The following MOCOS variants were observed in gnomAD, a reference collection of about 807,000 sequenced individuals.
MOCOS encodes the protein human molybdenum cofactor sulfurase.
MOCOS carries 86 observed loss-of-function variants against 83.6 expected under a neutral mutation model. The ratio of observed to expected loss-of-function variants is 1.03; its 90% CI spans 0.86 to 1.23. The LOEUF is 1.23. MOCOS is among the 50% of genes most tolerant of loss of function. The pLI is 0.00. For missense variants in MOCOS, 1,120 were observed against 1,126.9 expected, an observed-to-expected ratio of 0.99 and a Z score of 0.09; for synonymous variants, 445 against 434.7, an observed-to-expected ratio of 1.02 and a Z score of -0.29.
intron 5 of MOCOS, among the ~76,000 whole-genome samples, chr18:36,204,446 C>T (rs1336521016): frequency 6.6e-6 from 1 of 152,106 alleles, no homozygotes; most frequent in Non-Finnish European, 1.5e-5. Flanking sequence ...TAAAAACAAA[C>T]AGCAAAAATA....
At chr18:36,188,891 G>A (rs1164892135) in intron 1 of MOCOS, among the ~76,000 whole-genome samples, 1 of 145,156 alleles carries the variant, frequency 6.9e-6, no homozygotes, top group African/African-American at 2.6e-5. Flanking sequence ...ACCTGCTGGA[G>A]ACAGCTCCTC....
rs533721204 is a variant in MOCOS at position 36,205,164 on chromosome 18, C to G, written c.1106C>G (p.Ala369Gly). ...TCCTCTCTCCAGTACCCCAATGGAG[C>G]CCCTGTGGTGCGGATTTACAGCGAT... ...ALSSLQYPNG[A>G]PVVRIYSDSE... The change falls in exon 6 of 15, where the codon GCC becomes GGC. Residue 369 changes from alanine to glycine, a missense_variant. Coordinates refer to ENST00000261326, the MANE Select transcript of MOCOS (RefSeq NM_017947.4). The G allele has an allele frequency of 6.2e-6, 10 of 1,613,440 alleles. No individual in the cohort carries two copies. The highest frequency in any genetic ancestry group is 8.5e-6 in the Non-Finnish European group (10 of 1,179,458).
rs140977838 is a variant in MOCOS at position 36,265,217 on chromosome 18, C to T, written c.2410-1532C>T. ...TAGTGATAAACCCTGTCTAGAAATA[C>T]GTGCATACATGCAAGACATGGATCA... is the stretch of plus-strand genomic sequence containing the variant. On this transcript the variant is annotated intron_variant, in intron 13 of 14. Transcript: ENST00000261326. Among the ~76,000 whole-genome samples the T allele has an allele frequency of 2.3e-3, 346 of 152,274 alleles. 2 individuals are homozygous for T. The highest frequency in any genetic ancestry group is 7.9e-3 in the African/African-American group (329 of 41,548).
intron 6 of MOCOS, among the ~76,000 whole-genome samples, chr18:36,206,389 G>C (rs56097870): frequency 0.097 from 14,721 of 151,688 alleles, 891 homozygotes; most frequent in African/African-American, 0.17. Flanking sequence ...TGGGACTACG[G>C]ACATGTGCCA....
Position 36,260,220 on chromosome 18 carries a change from T to C in MOCOS, c.2409+45T>C, listed in dbSNP as rs192305711. On this transcript the variant is annotated intron_variant, in intron 13 of 14. Coordinates refer to ENST00000261326, the MANE Select transcript of MOCOS (RefSeq NM_017947.4). Reference sequence around the variant, plus strand: ...ATTATCCTTCCTCCAGGGTTGTCAATGAAGATTGACCTCAATCCCAGACCT... The same window carrying C: ...ATTATCCTTCCTCCAGGGTTGTCAACGAAGATTGACCTCAATCCCAGACCT... 9.3e-6 allele frequency: 15 copies of C among 1,613,438 alleles called. 1 individual carries two copies. The East Asian group carries it at 2.7e-4, about 29-fold the overall frequency.
chr18:36,264,228 T>C (rs921413004), intron 13 of MOCOS, among the ~76,000 whole-genome samples: 2 of 152,150 alleles, frequency 1.3e-5, no homozygotes, highest in African/African-American at 4.8e-5. Flanking sequence ...AAATGCCCCT[T>C]TCTTCTGCTA....
intron 9 of MOCOS, among the ~76,000 whole-genome samples, chr18:36,228,476 T>TAC (rs2144929819): frequency 6.6e-6 from 1 of 152,260 alleles, no homozygotes; most frequent in East Asian, 1.9e-4. Context: ...GTGGTACATA[T>TAC]ACACCATGGA....
intron 14 of MOCOS, 32 bp from the exon 15 acceptor site, chr18:36,268,501 C>T (rs1568072298): frequency 1.2e-6 from 2 of 1,613,792 alleles, no homozygotes; most frequent in Admixed American, 3.3e-5. Context: ...ATAATCTAGC[C>T]TTTTTTGTTG....
intron 12 of MOCOS, 85 bp downstream of exon 12, chr18:36,257,158 G>T: frequency 8.5e-7 from 1 of 1,182,986 alleles, no homozygotes; most frequent in Non-Finnish European, 1.3e-6. Context: ...GGAGCGGAGA[G>T]ATCTGAGAGT....
intron 9 of MOCOS, among the ~76,000 whole-genome samples, chr18:36,235,131 T>C (rs916488314): frequency 6.6e-6 from 1 of 151,996 alleles, no homozygotes; most frequent in East Asian, 1.9e-4. Flanking sequence ...TCAATTTTTT[T>C]AAATTTTTTT....
intron 9 of MOCOS, among the ~76,000 whole-genome samples, chr18:36,242,602 G>A (rs1267714108): frequency 6.6e-6 from 1 of 152,194 alleles, no homozygotes; most frequent in East Asian, 1.9e-4. Context: ...TCTGAGACTG[G>A]GTAATTTATA....
intron 11 of MOCOS, among the ~76,000 whole-genome samples, chr18:36,253,942 G>A (rs75254319): frequency 0.025 from 3,746 of 152,236 alleles, 151 homozygotes; most frequent in African/African-American, 0.085. Flanking sequence ...CTGACTTGGC[G>A]AGGTGGCTGC....
Position 36,215,639 on chromosome 18 carries a change from G to A in MOCOS, c.1459G>A (p.Asp487Asn). The A allele has an allele frequency of 6.2e-7, 1 of 1,614,158 alleles. No homozygotes were observed. The highest frequency in any genetic ancestry group is 8.5e-7 in the Non-Finnish European group (1 of 1,180,030). ...DVQAFLRFII[D>N]TRLHSSGDWP... is the part of the protein sequence containing the mutation. ...CCAGGCCTTTCTTAGGTTCATCATA[G>A]ACACTCGCCTGCACTCATCAGGGGA... Residue 487 changes from aspartate to asparagine, a missense_variant, in exon 8 of 15, where the codon GAC becomes AAC. Coordinates refer to ENST00000261326, the MANE Select transcript of MOCOS (RefSeq NM_017947.4).
chr18:36,194,259 TAA>T (rs1457544295), intron 1 of MOCOS, among the ~76,000 whole-genome samples: 3 of 152,184 alleles, frequency 2.0e-5, no homozygotes, highest in Non-Finnish European at 2.9e-5. Flanking sequence ...TTGTATACTT[TAA>T]GAGAGTGAAT....
chr18:36,253,504 A>G (rs549084026), intron 11 of MOCOS, among the ~76,000 whole-genome samples: 1 of 152,164 alleles, frequency 6.6e-6, no homozygotes, highest in Admixed American at 6.5e-5. Flanking sequence ...CATCTCTACT[A>G]AAAATACAAA....
intron 1 of MOCOS, among the ~76,000 whole-genome samples, chr18:36,187,913 C>T (rs990932763): frequency 6.6e-6 from 1 of 152,230 alleles, no homozygotes; most frequent in Non-Finnish European, 1.5e-5. Context: ...GCAGGACCAA[C>T]CTAGCCGTCT....
At chr18:36,215,255 T>C (rs1051556016) in intron 7 of MOCOS, among the ~76,000 whole-genome samples, 1 of 152,176 alleles carries the variant, frequency 6.6e-6, no homozygotes, top group South Asian at 2.1e-4. Context: ...ATGCTTTCCA[T>C]GAAGTATTTC....
At chr18:36,226,044 T>C (rs2091514141) in intron 9 of MOCOS, among the ~76,000 whole-genome samples, 1 of 152,122 alleles carries the variant, frequency 6.6e-6, no homozygotes, top group Admixed American at 6.6e-5. Flanking sequence ...AAACGTTTTA[T>C]GTATGTTTGT....
chr18:36,246,350 G>A (rs1419697836), intron 9 of MOCOS, among the ~76,000 whole-genome samples: 1 of 152,174 alleles, frequency 6.6e-6, no homozygotes, highest in East Asian at 1.9e-4. Flanking sequence ...CTTCCTCTAA[G>A]GATACGGCTT....
Sources: allele counts gnomAD v4.1 joint callset (sites outside exome capture counted in the v4.1 genomes callset), GRCh38; gene constraint gnomAD v4.1.1; transcripts MANE v1.5; gene names NCBI Gene and HGNC (gene_info 2026-07-23, HGNC 2026-07-21).